The following COL21A1 variants were observed in gnomAD, a reference collection of about 807,000 sequenced individuals.
COL21A1 encodes collagen type XXI alpha 1 chain.
In COL21A1, 149 loss-of-function variants were observed where a neutral mutation model predicts 137.9. The ratio of observed to expected loss-of-function variants is 1.08; its 90% CI spans 0.95 to 1.24. The LOEUF is 1.24. COL21A1 is among the 50% of genes most tolerant of loss of function. The pLI is 0.00. For synonymous variants in COL21A1, 456 were observed against 391.5 expected (o/e 1.16, Z -1.95); for missense variants, 1,167 against 1,158.4 (o/e 1.01, Z -0.11).
At chr6:56,272,577 G>T (rs1451053991) in intron 1 of COL21A1, among the ~76,000 whole-genome samples, 1 of 152,154 alleles carries the variant, frequency 6.6e-6, no homozygotes, top group Non-Finnish European at 1.5e-5. Context: ...CTTGGGAGGG[G>T]CCAGGGGTGT....
intron 12 of COL21A1, among the ~76,000 whole-genome samples, chr6:56,137,887 T>G (rs1774116422): frequency 6.6e-6 from 1 of 152,144 alleles, no homozygotes. Context: ...TAATCCAGAT[T>G]GCAAAAGCAG....
At chr6:56,129,672 G>A (rs970157209) in intron 12 of COL21A1, among the ~76,000 whole-genome samples, 5 of 84,134 alleles carry the variant, frequency 5.9e-5, no homozygotes, top group Admixed American at 1.2e-4. Context: ...TGTCACGTGC[G>A]TGCGTGTGTG....
At chr6:56,254,055 C>T (rs1782916747) in intron 1 of COL21A1, among the ~76,000 whole-genome samples, 3 of 152,294 alleles carry the variant, frequency 2.0e-5, no homozygotes, top group South Asian at 4.1e-4. Flanking sequence ...ATTTCAGAGT[C>T]CCAAATTCTT....
rs1765587174 is a variant in COL21A1, at chr6:56,059,228, T to G, written c.2623A>C (p.Asn875His). ...VRGLKGLPGR[N>H]GEKGSQGFGY... ...AACCCTTGGCTCCCTTTTTCCCCAT[T>G]TCTTCCTGGTAGGCCTGCAGGGTGT... is the stretch of plus-strand genomic sequence containing the variant. The change falls in exon 29 of 30, where the codon AAT becomes CAT. Residue 875 changes from asparagine (N) to histidine (H), a missense_variant. Physicochemically the swap from Asn to His is moderately conservative, Grantham distance 68. Coordinates refer to ENST00000244728, the MANE Select transcript of COL21A1 (RefSeq NM_030820.4). 1 of 1,606,494 alleles carries G rather than the reference T, an allele frequency of 6.2e-7. No individual in the cohort carries two copies. Among genetic ancestry groups the G allele is most frequent in the East Asian group, 2.2e-5 (1 of 44,682 alleles).
intron 9 of COL21A1, among the ~76,000 whole-genome samples, chr6:56,160,729 T>C (rs751251466): frequency 8.5e-5 from 13 of 152,210 alleles, no homozygotes; most frequent in Admixed American, 7.2e-4. Flanking sequence ...GGAAATGTCA[T>C]GGACTAAACT....
chr6:56,252,418 G>A (rs1033335305), upstream of COL21A1, among the ~76,000 whole-genome samples: 1 of 152,092 alleles, frequency 6.6e-6, no homozygotes, highest in Non-Finnish European at 1.5e-5. Context: ...AGTGCCCTCT[G>A]GTTGCAAGCA....
At chr6:56,353,723 A>G (rs984319518) in intron 1 of COL21A1, among the ~76,000 whole-genome samples, 5 of 152,226 alleles carry the variant, frequency 3.3e-5, no homozygotes, top group African/African-American at 1.2e-4. Flanking sequence ...GTTAGAAATT[A>G]CCTAAGAATG....
At chr6:56,184,686 C>A (rs2152284871) in intron 1 of COL21A1, among the ~76,000 whole-genome samples, 1 of 152,296 alleles carries the variant, frequency 6.6e-6, no homozygotes, top group African/African-American at 2.4e-5. Context: ...AAACAAGTCT[C>A]AGATTTCAAA....
chr6:56,112,537 G>C (rs913939583), intron 16 of COL21A1, among the ~76,000 whole-genome samples: 1 of 152,110 alleles, frequency 6.6e-6, no homozygotes, highest in African/African-American at 2.4e-5. Context: ...GCAGCATGGA[G>C]TGGAAAGCAT....
chr6:56,183,774 T>C (rs932378502), intron 1 of COL21A1, among the ~76,000 whole-genome samples: 1 of 152,094 alleles, frequency 6.6e-6, no homozygotes, highest in Admixed American at 6.6e-5. Flanking sequence ...AAAATGGCAG[T>C]GATAAATACA....
At chr6:56,240,994 T>C (rs1341592602) in intron 1 of COL21A1, among the ~76,000 whole-genome samples, 1 of 152,180 alleles carries the variant, frequency 6.6e-6, no homozygotes, top group Admixed American at 6.5e-5. Flanking sequence ...GCTCTGCATC[T>C]TACTTTCCCT....
At chr6:56,313,146 A>G (rs973495790) in intron 1 of COL21A1, among the ~76,000 whole-genome samples, 1 of 152,272 alleles carries the variant, frequency 6.6e-6, no homozygotes, top group African/African-American at 2.4e-5. Flanking sequence ...GCCAAAGTAC[A>G]GGGCAAGTGG....
chr6:56,084,775 A>G (rs574873001), intron 17 of COL21A1, among the ~76,000 whole-genome samples: 68 of 152,222 alleles, frequency 4.5e-4, no homozygotes, highest in South Asian at 4.1e-4. Flanking sequence ...AAAAAAGTAA[A>G]GATATTAAAG....
At chr6:56,210,220 C>T (rs916445659) in intron 1 of COL21A1, among the ~76,000 whole-genome samples, 3 of 151,882 alleles carry the variant, frequency 2.0e-5, no homozygotes, top group East Asian at 1.9e-4. Context: ...CAAACCTGCA[C>T]GTTCTGCACA....
intron 1 of COL21A1, among the ~76,000 whole-genome samples, chr6:56,277,364 A>C (rs940891923): frequency 3.9e-5 from 6 of 152,234 alleles, no homozygotes; most frequent in African/African-American, 1.4e-4. Flanking sequence ...CTCATTGCTC[A>C]ATTCCCACCT....
intron 1 of COL21A1, among the ~76,000 whole-genome samples, chr6:56,297,944 C>T (rs1216272731): frequency 6.6e-6 from 1 of 152,046 alleles, no homozygotes; most frequent in African/African-American, 2.4e-5. Context: ...GCACATTTCT[C>T]TAGACCTTAG....
intron 17 of COL21A1, among the ~76,000 whole-genome samples, chr6:56,089,280 T>A (rs1316408392): frequency 6.6e-6 from 1 of 152,224 alleles, no homozygotes; most frequent in Non-Finnish European, 1.5e-5. Flanking sequence ...AGTTATGATT[T>A]AATATTGCAT....
intron 1 of COL21A1, among the ~76,000 whole-genome samples, chr6:56,229,560 T>C (rs908933729): frequency 6.6e-6 from 1 of 151,922 alleles, no homozygotes; most frequent in Non-Finnish European, 1.5e-5. Flanking sequence ...AAAATTGTTG[T>C]GCCTTATAAC....
chr6:56,163,853 C>A (rs1776372471), intron 9 of COL21A1, among the ~76,000 whole-genome samples: 1 of 151,984 alleles, frequency 6.6e-6, no homozygotes, highest in African/African-American at 2.4e-5. Context: ...GTATACAAAT[C>A]AATATGTAAA....
Sources: gnomAD v4.1 joint callset for allele counts (sites outside exome capture counted in the v4.1 genomes callset) on GRCh38, gnomAD v4.1.1 for gene constraint, MANE v1.5 for transcripts, NCBI Gene and HGNC (gene_info 2026-07-23, HGNC 2026-07-21) for gene names.